Variants in CMA1 observed in about 807,000 individuals in gnomAD.
CMA1 encodes chymase.
A neutral mutation model predicts 18.8 loss-of-function variants in CMA1; 24 were observed. The ratio of observed to expected loss-of-function variants is 1.28; its 90% CI spans 0.92 to 1.80. The LOEUF (loss-of-function observed/expected upper bound fraction) is 1.80. CMA1 is among the 40% of genes most tolerant of loss of function. The probability of loss-of-function intolerance (pLI) is 0.00; values close to 1 mark genes in which losing one functional copy is unlikely to be tolerated. For synonymous variants in CMA1, 152 were observed against 117.0 expected, an observed-to-expected ratio of 1.30 and a Z score of -1.93; for missense variants, 421 against 302.8, an observed-to-expected ratio of 1.39 and a Z score of -2.90.
At chr14:24,507,624 G>T in intron 1 of CMA1, 118 bp from the exon 2 acceptor site, 2 of 1,205,128 alleles carry the variant, frequency 1.7e-6, no homozygotes, top group East Asian at 2.4e-5. Flanking sequence ...CCTGTGTTCC[G>T]CCCATCTTCC....
chr14:24,507,936 G>C (rs1356738203), intron 1 of CMA1, among the ~76,000 whole-genome samples: 1 of 151,030 alleles, frequency 6.6e-6, no homozygotes, highest in African/African-American at 2.4e-5. Context: ...CCTTCCACTT[G>C]CTCTGGGCTT....
Position 24,506,209 on chromosome 14 carries a change from G to A in CMA1, c.419C>T (p.Pro140Leu). The change falls in exon 4 of 5, where the codon CCT (proline) becomes CTT (leucine). Residue 140 changes from proline to leucine, a missense_variant. Pro to Leu is a moderately conservative substitution (Grantham distance 98). Coordinates refer to ENST00000250378, the MANE Select transcript of CMA1 (RefSeq NM_001836.5). ...GCCAGCCACCCGGCACATTCTCCCA[G>A]GTGGGACAAAGTTGAATTGGGATGG... is the stretch of plus-strand genomic sequence containing the variant. ...PFPSQFNFVP[P>L]GRMCRVAGWG... is the part of the protein sequence containing the mutation. 6.2e-7 allele frequency: 1 copy of A among 1,614,170 alleles called. No homozygotes were observed. Among genetic ancestry groups the A allele is most frequent in the East Asian group, 2.2e-5 (1 of 44,874 alleles).
chr14:24,505,649 C>A lies in CMA1; in HGVS notation c.611G>T (p.Gly204Val), dbSNP rs574096992. Residue 204 changes from glycine to valine, a missense_variant, in exon 5 of 5, where the codon GGG (glycine) becomes GTG (valine). By Grantham distance (109) the Gly-to-Val change is moderately radical (BLOSUM62 -3). Coordinates refer to ENST00000250378, the MANE Select transcript of CMA1 (RefSeq NM_001836.5). Reference protein sequence around the residue: ...KTKSAFKGDSGGPLLCAGVAQ... With the variant: ...KTKSAFKGDSVGPLLCAGVAQ... ...CACCCCAGCACACAGAAGAGGGCCC[C>A]CAGAGTCTCCCTGTAGGGGGAGGAG... 3.1e-6 allele frequency: 5 copies of A among 1,610,322 alleles called. No homozygotes were observed. Among genetic ancestry groups the A allele is most frequent in the Non-Finnish European group, 8.5e-7 (1 of 1,178,438 alleles).
chr14:24,506,442 G>T, intron 3 of CMA1, 27 bp downstream of exon 3: 1 of 1,613,234 alleles, frequency 6.2e-7, no homozygotes, highest in African/African-American at 1.3e-5. Context: ...AATGGGAAGT[G>T]GAAAGGGAGA....
At chr14:24,505,974 C>A in intron 4 of CMA1, 54 bp downstream of exon 4, 2 of 1,593,084 alleles carry the variant, frequency 1.3e-6, no homozygotes, top group South Asian at 2.3e-5. Context: ...CTTCTAAGAG[C>A]ATTCTGGTCC....
rs971949686 is a variant in CMA1 at position 24,506,013 on chromosome 14, T to C, written c.600+15A>G. The C allele has an allele frequency of 6.2e-7, 1 of 1,613,004 alleles. No homozygotes were observed. On this transcript the variant is annotated intron_variant, in intron 4 of 4. Transcript: ENST00000250378. ...AACAGTGAGTTTTGGAGAGGAAACC[T>C]AGTTGGAGGATCACCTTAAATGCAG...
In CMA1 at chr14:24,505,383, T is replaced by A. The variant is rs2043842455; in HGVS notation, c.*133A>T. The A allele has an allele frequency of 3.5e-6, 4 of 1,145,596 alleles. No individual in the cohort carries two copies. The highest frequency in any genetic ancestry group is 5.1e-6 in the Non-Finnish European group (4 of 776,854). The allele number at this position is 1,145,596 out of a possible 1,614,324, so 71.0% of individuals were successfully genotyped here. ...CTTCACTGAGGTTTATTGAGAGTTCTGTGACCTGTAGGATACTTCTGGAGG... is the reference window on the plus strand; with the variant it reads ...CTTCACTGAGGTTTATTGAGAGTTCAGTGACCTGTAGGATACTTCTGGAGG... On this transcript the variant is annotated 3_prime_UTR_variant, in exon 5 of 5. Transcript: ENST00000250378.
chr14:24,508,236 C>T lies in CMA1; in HGVS notation c.-1G>A. 2 of 1,613,242 alleles carry T rather than the reference C, an allele frequency of 1.2e-6. No homozygotes were observed. Among genetic ancestry groups the T allele is most frequent in the East Asian group, 4.5e-5 (2 of 44,868 alleles). ...GCAGGGGGAGAGGAAGAAGCAGCAT[C>T]TTCCCAGAGAGGCTGCCTGAGCAAA... On this transcript the variant is annotated 5_prime_UTR_variant, in exon 1 of 5. Coordinates refer to ENST00000250378, the MANE Select transcript of CMA1 (RefSeq NM_001836.5).
At chr14:24,505,924 C>T in intron 4 of CMA1, 104 bp downstream of exon 4, 1 of 1,459,882 alleles carries the variant, frequency 6.8e-7, no homozygotes, top group Non-Finnish European at 9.3e-7. Context: ...TCCTGTGATG[C>T]TCACCCTGTC....
chr14:24,506,573 T>C lies in CMA1; in HGVS notation c.241A>G (p.Ile81Val), dbSNP rs1319486347. The C allele has an allele frequency of 1.2e-6, 2 of 1,614,136 alleles. No homozygotes were observed. The highest frequency in any genetic ancestry group is 1.1e-5 in the South Asian group (1 of 91,080). Residue 81 changes from isoleucine to valine, a missense_variant, in exon 3 of 5, where the codon ATA (isoleucine) becomes GTA (valine). Transcript: ENST00000250378. ...SITVTLGAHNITEEEDTWQKL... is the reference protein window; with the variant it reads ...SITVTLGAHNVTEEEDTWQKL... The stretch of plus-strand genomic sequence containing the variant: ...TGCCATGTGTCTTCTTCCTCTGTTA[T>C]GTTATGGGCTCCAAGGGTGACTGTT...
In CMA1 at chr14:24,505,485, C is replaced by A. The variant is rs1233712208; in HGVS notation, c.*31G>T. The stretch of plus-strand genomic sequence containing the variant: ...CTTTGCTGCTCAGGTCCAGTTCCAG[C>A]TTCCCTTTCAGGCTGGCTCAGGATC... On this transcript the variant is annotated 3_prime_UTR_variant, in exon 5 of 5. Transcript: ENST00000250378. 1.2e-6 allele frequency: 2 copies of A among 1,613,862 alleles called. No homozygotes were observed. The highest frequency in any genetic ancestry group is 2.2e-5 in the South Asian group (2 of 91,058).
chr14:24,505,497 G>T lies in CMA1; in HGVS notation c.*19C>A, dbSNP rs145606317. 5 of 1,613,946 alleles carry T rather than the reference G, an allele frequency of 3.1e-6. No individual in the cohort carries two copies. The highest frequency in any genetic ancestry group is 3.4e-4 in the Middle Eastern group (2 of 5,942). On this transcript the variant is annotated 3_prime_UTR_variant, in exon 5 of 5. Coordinates refer to ENST00000250378, the MANE Select transcript of CMA1 (RefSeq NM_001836.5). ...GGTCCAGTTCCAGCTTCCCTTTCAG[G>T]CTGGCTCAGGATCCAGGATTAATTT...
rs909364789 is a variant in CMA1 at position 24,505,375 on chromosome 14, G to A, written c.*141C>T. On this transcript the variant is annotated 3_prime_UTR_variant, in exon 5 of 5. Coordinates refer to ENST00000250378, the MANE Select transcript of CMA1 (RefSeq NM_001836.5). ...AGCTGTGTCTTCACTGAGGTTTATT[G>A]AGAGTTCTGTGACCTGTAGGATACT... 1 of 1,051,670 alleles carries A rather than the reference G, an allele frequency of 9.5e-7. No individual in the cohort carries two copies. The highest frequency in any genetic ancestry group is 1.9e-5 in the Admixed American group (1 of 52,106). The allele number at this position is 1,051,670 out of a possible 1,614,324, so 65.1% of individuals were successfully genotyped here. A position where few individuals can be genotyped will look rare whatever the true frequency, so the allele number is the denominator to read the frequency against.
At position 24,506,684 on chromosome 14, in the gene CMA1, A is replaced by C. The variant is rs920435716; in HGVS notation, c.210-80T>G. ...TCTGAGGTGAGCTCATTCTGAGAAA[A>C]GAGGACTAAACTCTGTCACTGGGTC... On this transcript the variant is annotated intron_variant, in intron 2 of 4. Coordinates refer to ENST00000250378, the MANE Select transcript of CMA1 (RefSeq NM_001836.5). The C allele has an allele frequency of 6.5e-6, 10 of 1,548,104 alleles. No homozygotes were observed. In the African/African-American group the frequency reaches 1.2e-4, roughly 19 times the overall value.
Position 24,505,504 on chromosome 14 carries a change from C to T in CMA1, c.*12G>A. ...TTCCAGCTTCCCTTTCAGGCTGGCT[C>T]AGGATCCAGGATTAATTTGCCTGCA... On this transcript the variant is annotated 3_prime_UTR_variant, in exon 5 of 5. Transcript: ENST00000250378. 1.9e-6 allele frequency: 3 copies of T among 1,613,934 alleles called. No homozygotes were observed. Among genetic ancestry groups the T allele is most frequent in the Non-Finnish European group, 1.7e-6 (2 of 1,179,980 alleles).
intron 2 of CMA1, 128 bp downstream of exon 2, chr14:24,507,226 CAA>C: frequency 1.9e-6 from 2 of 1,075,164 alleles, no homozygotes; most frequent in Non-Finnish European, 2.8e-6. Flanking sequence ...TCTTTCAGCC[CAA>C]GTCTTCCCTC....
At chr14:24,505,765 T>TCCACCTCCTG in intron 4 of CMA1, 106 bp from the exon 5 acceptor site, 2 of 1,394,678 alleles carry the variant, frequency 1.4e-6, no homozygotes, top group Non-Finnish European at 1.9e-6. Flanking sequence ...ACGCAGGAGG[T>TCCACCTCCTG]GGAGCTCCTC....
At position 24,505,649 on chromosome 14, in the gene CMA1, C is replaced by T. The variant is rs574096992; in HGVS notation, c.611G>A (p.Gly204Glu). The T allele has an allele frequency of 6.2e-7, 1 of 1,610,322 alleles. No homozygotes were observed. The highest frequency in any genetic ancestry group is 2.2e-5 in the East Asian group (1 of 44,842). The change falls in exon 5 of 5, where the codon GGG becomes GAG. Residue 204 changes from glycine to glutamate, a missense_variant. Gly to Glu is a moderately conservative substitution (Grantham distance 98). Coordinates refer to ENST00000250378, the MANE Select transcript of CMA1 (RefSeq NM_001836.5). ...CACCCCAGCACACAGAAGAGGGCCCCCAGAGTCTCCCTGTAGGGGGAGGAG... is the reference window on the plus strand; with the variant it reads ...CACCCCAGCACACAGAAGAGGGCCCTCAGAGTCTCCCTGTAGGGGGAGGAG... ...KTKSAFKGDS[G>E]GPLLCAGVAQ... is the part of the protein sequence containing the mutation.
chr14:24,506,017 T>G lies in CMA1; in HGVS notation c.600+11A>C, dbSNP rs2043850485. The G allele has an allele frequency of 1.2e-6, 2 of 1,613,146 alleles. No individual in the cohort carries two copies. Among genetic ancestry groups the G allele is most frequent in the East Asian group, 2.2e-5 (1 of 44,876 alleles). On this transcript the variant is annotated intron_variant, in intron 4 of 4. Transcript: ENST00000250378. Reference sequence around the variant, plus strand: ...GTGAGTTTTGGAGAGGAAACCTAGTTGGAGGATCACCTTAAATGCAGATTT... The same window carrying G: ...GTGAGTTTTGGAGAGGAAACCTAGTGGGAGGATCACCTTAAATGCAGATTT...
Sources: allele counts gnomAD v4.1 joint callset (sites outside exome capture counted in the v4.1 genomes callset), GRCh38; gene constraint gnomAD v4.1.1; transcripts MANE v1.5; gene names NCBI Gene and HGNC (gene_info 2026-07-23, HGNC 2026-07-21).